The following NECTIN1 variants were observed in gnomAD, a reference collection of about 807,000 sequenced individuals.
NECTIN1 encodes nectin-1.
NECTIN1 carries 23 observed loss-of-function variants against 48.0 expected under a neutral mutation model. The ratio of observed to expected loss-of-function variants is 0.48; its 90% CI spans 0.34 to 0.68. The LOEUF is 0.68. NECTIN1 is among the 30% of genes least tolerant of loss of function. NECTIN1 has a pLI of 0.01. For missense variants in NECTIN1, 591 were observed against 709.9 expected, an observed-to-expected ratio of 0.83 and a Z score of 1.90; for synonymous variants, 270 against 288.9, an observed-to-expected ratio of 0.93 and a Z score of 0.66.
rs189847385 is a variant in NECTIN1 at position 119,689,710 on chromosome 11, G to C, written c.80-10945C>G. Among the ~76,000 whole-genome samples the C allele has an allele frequency of 5.9e-5, 9 of 152,314 alleles. No individual in the cohort carries two copies. In the East Asian group the frequency reaches 1.7e-3, roughly 29 times the overall value. On this transcript the variant is annotated intron_variant, in intron 1 of 5. Coordinates refer to ENST00000264025, the MANE Select transcript of NECTIN1 (RefSeq NM_002855.5). The stretch of plus-strand genomic sequence containing the variant: ...GGTGGGGGCCACTGGAGCAACATTG[G>C]GATGGAGGGCTCTCGACCCCATCCC...
At chr11:119,666,370 C>G (rs1490244500) in intron 5 of NECTIN1, among the ~76,000 whole-genome samples, 1 of 152,206 alleles carries the variant, frequency 6.6e-6, no homozygotes, top group Non-Finnish European at 1.5e-5. Context: ...AGAAAGGAAG[C>G]AGGTGGGACA....
At chr11:119,721,880 G>T (rs1023914548) in intron 1 of NECTIN1, among the ~76,000 whole-genome samples, 5 of 152,226 alleles carry the variant, frequency 3.3e-5, no homozygotes, top group African/African-American at 1.2e-4. Flanking sequence ...TGGGCTCTGT[G>T]GTCAGCTCTG....
chr11:119,675,311 C>G lies in NECTIN1; in HGVS notation c.852-1G>C. The stretch of plus-strand genomic sequence containing the variant: ...ACCCTTGGGGAGAGAGCCATTTAGC[C>G]TGTGGGAAGTGGGAGACACAGCGTA... On this transcript the variant is annotated splice_acceptor_variant, in intron 4 of 5. Coordinates refer to ENST00000264025, the MANE Select transcript of NECTIN1 (RefSeq NM_002855.5). LOFTEE classifies it high-confidence loss of function. The G allele has an allele frequency of 6.2e-7, 1 of 1,614,162 alleles. No homozygotes were observed. Among genetic ancestry groups the G allele is most frequent in the Non-Finnish European group, 8.5e-7 (1 of 1,180,042 alleles).
At chr11:119,680,887 G>A (rs1215692679) in intron 1 of NECTIN1, among the ~76,000 whole-genome samples, 1 of 152,242 alleles carries the variant, frequency 6.6e-6, no homozygotes, top group Non-Finnish European at 1.5e-5. Context: ...GATGGGAGAA[G>A]TATCCAGCCA....
rs1466428014 is a variant in NECTIN1, at chr11:119,675,786, T to A, written c.852-476A>T. The A allele has an allele frequency of 2.7e-5, 5 of 184,612 alleles. No homozygotes were observed. The East Asian group carries it at 6.8e-4, about 25-fold the overall frequency. 11.4% of individuals were successfully genotyped at this position (184,612 alleles called of 1,614,324 possible). A position where few individuals can be genotyped will look rare whatever the true frequency, so the allele number is the denominator to read the frequency against. ...ACTTTGGGAGGCCGAGGCAGGCAGA[T>A]CACATGGTCAGGAGTTTGAGACCAG... On this transcript the variant is annotated intron_variant, in intron 4 of 5. Coordinates refer to ENST00000264025, the MANE Select transcript of NECTIN1 (RefSeq NM_002855.5).
chr11:119,664,714 G>A lies in NECTIN1; in HGVS notation c.*33C>T. ...GGGCGTGCGGGGAGGGGCTGGGGAG[G>A]AGCGGTCACAGACAGAGGCTCTGGA... On this transcript the variant is annotated 3_prime_UTR_variant, in exon 6 of 6. Transcript: ENST00000264025. 1.9e-6 allele frequency: 3 copies of A among 1,564,616 alleles called. No homozygotes were observed. Among genetic ancestry groups the A allele is most frequent in the Non-Finnish European group, 2.6e-6 (3 of 1,152,080 alleles).
intron 1 of NECTIN1, among the ~76,000 whole-genome samples, chr11:119,724,732 T>C (rs1357912714): frequency 6.6e-6 from 1 of 152,148 alleles, no homozygotes; most frequent in African/African-American, 2.4e-5. Flanking sequence ...CTAGTCCCCA[T>C]AGATGCACAC....
chr11:119,664,874 G>T lies in NECTIN1; in HGVS notation c.1427C>A (p.Ala476Asp). 6.2e-7 allele frequency: 1 copy of T among 1,614,020 alleles called. No individual in the cohort carries two copies. The highest frequency in any genetic ancestry group is 2.2e-5 in the East Asian group (1 of 44,874). Residue 476 changes from alanine to aspartate, a missense_variant, in exon 6 of 6, where the codon GCC (alanine) becomes GAC (aspartate). By Grantham distance (126) the Ala-to-Asp change is moderately radical. Transcript: ENST00000264025. ...CCGGTCCCCGTAGCCGTCCTGACGG[G>T]CCTCGGCCTCATCCACGGTGAAGTA... ...RPYFTVDEAE[A>D]RQDGYGDRTL...
rs758093531 is a variant in NECTIN1 at position 119,663,738 on chromosome 11, C to A, written c.*1009G>T. 4.1e-6 allele frequency: 4 copies of A among 985,478 alleles called. No homozygotes were observed. Among genetic ancestry groups the A allele is most frequent in the Non-Finnish European group, 4.8e-6 (4 of 829,958 alleles). The allele number at this position is 985,478 out of a possible 1,614,324, so 61.0% of individuals were successfully genotyped here. On this transcript the variant is annotated 3_prime_UTR_variant, in exon 6 of 6. Coordinates refer to ENST00000264025, the MANE Select transcript of NECTIN1 (RefSeq NM_002855.5). ...GGGAGAAATCAGAGAAACCTCCACGCTGTAAGAAGCAGTTTGGGGCAGGCC... is the reference window on the plus strand; with the variant it reads ...GGGAGAAATCAGAGAAACCTCCACGATGTAAGAAGCAGTTTGGGGCAGGCC...
chr11:119,694,640 C>T (rs780438972), intron 1 of NECTIN1, among the ~76,000 whole-genome samples: 1 of 152,184 alleles, frequency 6.6e-6, no homozygotes, highest in South Asian at 2.1e-4. Context: ...GTGGGCAACA[C>T]GTTTGCTCTT....
chr11:119,697,651 G>A lies in NECTIN1; in HGVS notation c.80-18886C>T, dbSNP rs148116995. On this transcript the variant is annotated intron_variant, in intron 1 of 5. Coordinates refer to ENST00000264025, the MANE Select transcript of NECTIN1 (RefSeq NM_002855.5). ...GTCCCATTTTACAGAGGGAGAAACTGAGGCCCAGTGGTTGAGAAATTTGCC... is the reference window on the plus strand; with the variant it reads ...GTCCCATTTTACAGAGGGAGAAACTAAGGCCCAGTGGTTGAGAAATTTGCC... 1.0e-3 allele frequency among the ~76,000 whole-genome samples: 158 copies of A among 152,348 alleles called. 2 individuals are homozygous for A. The highest frequency in any genetic ancestry group is 1.7e-3 in the Admixed American group (26 of 15,298).
rs780401118 is a variant in NECTIN1, at chr11:119,677,660, G to A, written c.628C>T (p.Arg210Cys). The change falls in exon 3 of 6, where the codon CGC (arginine) becomes TGC (cysteine). Residue 210 changes from arginine (R) to cysteine (C), a missense_variant. Coordinates refer to ENST00000264025, the MANE Select transcript of NECTIN1 (RefSeq NM_002855.5). The surrounding 1 kb of genome is among the most constrained non-coding windows in gnomAD (Gnocchi z 5.4). ...TCCCTGCTGGGCACCAGGCGGTAGCGGCTGATGACCGTCACTGTGCCATTG... is the reference window on the plus strand; with the variant it reads ...TCCCTGCTGGGCACCAGGCGGTAGCAGCTGATGACCGTCACTGTGCCATTG... ...NPNGTVTVIS[R>C]YRLVPSREAH... 1.7e-5 allele frequency: 28 copies of A among 1,614,082 alleles called. No homozygotes were observed. Among genetic ancestry groups the A allele is most frequent in the Non-Finnish European group, 2.2e-5 (26 of 1,180,028 alleles).
At position 119,725,592 on chromosome 11, in the gene NECTIN1, A is replaced by G. The variant is rs187367853; in HGVS notation, c.79+2883T>C. Among the ~76,000 whole-genome samples, 323 of 152,322 alleles carry G rather than the reference A, an allele frequency of 2.1e-3. 1 individual carries two copies. The highest frequency in any genetic ancestry group is 7.2e-3 in the African/African-American group (300 of 41,578). ...GTTTTGCCATAATGCCTTGCCCAGC[A>G]AGCTGAAGGACACCACTGTATGTGA... On this transcript the variant is annotated intron_variant, in intron 1 of 5. Transcript: ENST00000264025.
At chr11:119,647,707 A>G (rs946246610) in intron 5 of NECTIN1, among the ~76,000 whole-genome samples, 1 of 152,126 alleles carries the variant, frequency 6.6e-6, no homozygotes, top group African/African-American at 2.4e-5. Context: ...GAAAGTCATG[A>G]CTGGATTCTC....
At chr11:119,640,130 C>A in intron 5 of NECTIN1, 2 of 1,116,372 alleles carry the variant, frequency 1.8e-6, no homozygotes, top group African/African-American at 1.5e-5. Context: ...ATTGCACCCC[C>A]AGCTCCCCTC....
At chr11:119,658,158 T>C (rs561925392), downstream of NECTIN1, among the ~76,000 whole-genome samples, 2 of 152,254 alleles carry the variant, frequency 1.3e-5, no homozygotes, top group African/African-American at 4.8e-5. Context: ...CAAGATGAGC[T>C]TGGATGCAGA....
chr11:119,638,819 T>G, intron 6 of NECTIN1: 1 of 1,611,456 alleles, frequency 6.2e-7, no homozygotes, highest in Non-Finnish European at 8.5e-7. Context: ...GGAGACAGAA[T>G]GAGGGTAAGC....
At chr11:119,644,115 T>C (rs556140798) in intron 5 of NECTIN1, among the ~76,000 whole-genome samples, 2 of 152,230 alleles carry the variant, frequency 1.3e-5, no homozygotes, top group South Asian at 4.1e-4. Context: ...AAGGATGGCC[T>C]CTGGGGGTCA....
At chr11:119,651,376 T>A (rs1777334132) in intron 5 of NECTIN1, among the ~76,000 whole-genome samples, 1 of 152,018 alleles carries the variant, frequency 6.6e-6, no homozygotes, top group South Asian at 2.1e-4. Context: ...CTTCCTAGGG[T>A]GAACAGATAC....
Sources: gnomAD v4.1 joint callset for allele counts (sites outside exome capture counted in the v4.1 genomes callset) on GRCh38, gnomAD v4.1.1 for gene constraint, Gnocchi (gnomAD v3.1) non-coding constraint, MANE v1.5 for transcripts, NCBI Gene and HGNC (gene_info 2026-07-23, HGNC 2026-07-21) for gene names.